Variants in CALU observed in about 807,000 individuals in gnomAD.
CALU encodes IEF SSP 9302.
CALU carries 13 observed loss-of-function variants against 37.5 expected under a neutral mutation model. The observed-to-expected ratio is 0.35, with a 90% CI of 0.23 to 0.55. CALU has a LOEUF of 0.55. Ranked by LOEUF, CALU falls within the 20% of genes least tolerant of loss-of-function variation. CALU has a pLI of 0.89. For synonymous variants in CALU, 114 were observed against 133.8 expected, an observed-to-expected ratio of 0.85 and a Z score of 1.02; for missense variants, 282 against 391.7, an observed-to-expected ratio of 0.72 and a Z score of 2.36.
chr7:128,764,999 C>G (rs558005554), intron 5 of CALU, among the ~76,000 whole-genome samples: 61 of 152,212 alleles, frequency 4.0e-4, no homozygotes, highest in Non-Finnish European at 7.8e-4. Context: ...ACAGCAGCCT[C>G]GATCTCCAAG....
At chr7:128,758,551 C>T (rs74757593) in intron 3 of CALU, among the ~76,000 whole-genome samples, 2,862 of 152,280 alleles carry the variant, frequency 0.019, 49 homozygotes, top group Non-Finnish European at 0.027. Context: ...CAGTATGGGA[C>T]TTGAGAGCCA....
intron 5 of CALU, among the ~76,000 whole-genome samples, chr7:128,761,792 C>A (rs1043221655): frequency 6.6e-6 from 1 of 152,120 alleles, no homozygotes; most frequent in Non-Finnish European, 1.5e-5. Flanking sequence ...TGATAGTTAC[C>A]TGAAATGTTT....
At chr7:128,757,356 T>G (rs1201068269) in intron 3 of CALU, among the ~76,000 whole-genome samples, 1 of 133,504 alleles carries the variant, frequency 7.5e-6, no homozygotes, top group Admixed American at 7.3e-5. Context: ...ATTATGGCTT[T>G]GAGTGTGTGT....
At chr7:128,751,568 A>G (rs1233245410) in intron 2 of CALU, among the ~76,000 whole-genome samples, 1 of 151,772 alleles carries the variant, frequency 6.6e-6, no homozygotes, top group East Asian at 1.9e-4. Flanking sequence ...CTCTACAACA[A>G]ATTAAAAAAT....
chr7:128,759,653 GCATACATA>G (rs145707443), intron 4 of CALU, 131 bp from the exon 5 acceptor site: 51 of 591,050 alleles, frequency 8.6e-5, no homozygotes, highest in Non-Finnish European at 1.4e-4. Context: ...AGACACACAT[GCATACATA>G]CATACATACA....
intron 1 of CALU, chr7:128,748,292 T>C: frequency 8.8e-7 from 1 of 1,133,046 alleles, no homozygotes; most frequent in Non-Finnish European, 1.2e-6. Context: ...TACTTTGGTA[T>C]CTTTTGAAAG....
At chr7:128,757,448 C>G (rs1052399533) in intron 3 of CALU, among the ~76,000 whole-genome samples, 1 of 151,878 alleles carries the variant, frequency 6.6e-6, no homozygotes, top group Non-Finnish European at 1.5e-5. Context: ...ATTTTTGACA[C>G]TCAATAAAAA....
At chr7:128,764,725 G>GT (rs1554367151) in intron 5 of CALU, among the ~76,000 whole-genome samples, 1 of 151,250 alleles carries the variant, frequency 6.6e-6, no homozygotes, top group East Asian at 1.9e-4. Flanking sequence ...TGTTTCTTTG[G>GT]TACTTTTTTT....
chr7:128,761,053 G>A (rs777362737), intron 5 of CALU, among the ~76,000 whole-genome samples: 29 of 152,266 alleles, frequency 1.9e-4, no homozygotes, highest in Non-Finnish European at 3.8e-4. Context: ...TTTTTACTGT[G>A]TTCTGTTCAT....
At chr7:128,743,104 C>G (rs2128877047) in intron 1 of CALU, among the ~76,000 whole-genome samples, 1 of 152,058 alleles carries the variant, frequency 6.6e-6, no homozygotes, top group African/African-American at 2.4e-5. Context: ...ATTTCAAGTG[C>G]TTAGTAGTCA....
intron 5 of CALU, among the ~76,000 whole-genome samples, chr7:128,762,330 A>T (rs1480938723): frequency 6.7e-6 from 1 of 150,268 alleles, no homozygotes; most frequent in Admixed American, 6.6e-5. Flanking sequence ...CAGAGGAGTT[A>T]TATTTTGAAG....
chr7:128,753,865 A>G (rs1181724690), intron 2 of CALU, among the ~76,000 whole-genome samples: 1 of 152,234 alleles, frequency 6.6e-6, no homozygotes, highest in Admixed American at 6.5e-5. Context: ...TCTGTAAGCA[A>G]TAAAGAAAAA....
intron 2 of CALU, among the ~76,000 whole-genome samples, chr7:128,750,739 C>T (rs1408091714): frequency 2.0e-5 from 3 of 152,282 alleles, no homozygotes; most frequent in South Asian, 2.1e-4. Flanking sequence ...CTGGGAACAA[C>T]AGGTTCCCTC....
chr7:128,754,574 G>C, intron 3 of CALU, 119 bp downstream of exon 3: 1 of 1,552,624 alleles, frequency 6.4e-7, no homozygotes, highest in Non-Finnish European at 8.7e-7. Context: ...GGTTTGTGAC[G>C]GAGGGGGAGC....
intron 1 of CALU, among the ~76,000 whole-genome samples, chr7:128,741,117 G>A (rs572761941): frequency 1.3e-5 from 2 of 152,208 alleles, no homozygotes; most frequent in Non-Finnish European, 2.9e-5. Flanking sequence ...GATAGCCACT[G>A]GAAATGCTAG....
intron 3 of CALU, among the ~76,000 whole-genome samples, chr7:128,755,330 A>AAAAG (rs1800839591): frequency 1.3e-5 from 2 of 150,284 alleles, no homozygotes; most frequent in African/African-American, 4.9e-5. Context: ...AAAAAAAAAA[A>AAAAG]AAAGAGGCTA....
At position 128,770,931 on chromosome 7, in the gene CALU, C is replaced by T. The variant is rs1387372280; in HGVS notation, c.*1764C>T. 6.6e-6 allele frequency: 1 copy of T among 152,558 alleles called. No homozygotes were observed. The highest frequency in any genetic ancestry group is 1.5e-5 in the Non-Finnish European group (1 of 68,036). 9.5% of individuals were successfully genotyped at this position (152,558 alleles called of 1,614,324 possible). A position where few individuals can be genotyped will look rare whatever the true frequency, so the allele number is the denominator to read the frequency against. On this transcript the variant is annotated 3_prime_UTR_variant, in exon 7 of 7. Transcript: ENST00000249364. ...TTCCACAGTCATGTTGAGGTGGGCT[C>T]CCTGGTATGGTAAAAAGCCAGGTAT...
At chr7:128,755,142 CAAA>C (rs35269374) in intron 3 of CALU, among the ~76,000 whole-genome samples, 5 of 124,938 alleles carry the variant, frequency 4.0e-5, no homozygotes, top group Admixed American at 8.1e-5. Flanking sequence ...CTGTCTCTAC[CAAA>C]AAAAAAAAAA....
intron 2 of CALU, among the ~76,000 whole-genome samples, chr7:128,751,145 G>A (rs765213943): frequency 3.3e-5 from 5 of 151,976 alleles, no homozygotes; most frequent in Non-Finnish European, 7.4e-5. Context: ...AACATTAGCT[G>A]GGCCTGGTGG....
Sources: gnomAD v4.1 joint callset for allele counts (sites outside exome capture counted in the v4.1 genomes callset) on GRCh38, gnomAD v4.1.1 for gene constraint, MANE v1.5 for transcripts, NCBI Gene and HGNC (gene_info 2026-07-23, HGNC 2026-07-21) for gene names.